CTNNA2: variants seen among roughly 807,000 people sequenced by gnomAD.
CTNNA2 encodes catenin alpha 2, also known as catenin alpha-2.
Under a neutral mutation model 101.0 loss-of-function variants are expected in CTNNA2, and 42 were observed. The observed-to-expected ratio is 0.42, with a 90% CI of 0.32 to 0.54. CTNNA2 has a LOEUF of 0.54. Among genes scored for constraint, CTNNA2 ranks in the 20% least tolerant of loss-of-function variants. The probability of loss-of-function intolerance (pLI) is 0.14; values close to 1 mark genes in which losing one functional copy is unlikely to be tolerated. For missense variants in CTNNA2, 871 were observed against 1,223.1 expected (o/e 0.71, Z 4.29); for synonymous variants, 450 against 456.4 (o/e 0.99, Z 0.18).
At chr2:80,585,937 A>G (rs1209284134) in intron 14 of CTNNA2, among the ~76,000 whole-genome samples, 1 of 152,162 alleles carries the variant, frequency 6.6e-6, no homozygotes, top group Non-Finnish European at 1.5e-5. Context: ...GTCACACACC[A>G]TTAAGTGTAT....
At position 80,190,981 on chromosome 2, in the gene CTNNA2, C is replaced by T. The variant is rs544073556; in HGVS notation, c.1057-202230C>T. ...TCTGAAGTGCAACTTGTTCCACCGC[C>T]TTTAAAATAGGCTGCAGCTGTTCTA... On this transcript the variant is annotated intron_variant, in intron 7 of 18. Transcript: ENST00000402739. Among the ~76,000 whole-genome samples, 4 of 152,264 alleles carry T rather than the reference C, an allele frequency of 2.6e-5. No homozygotes were observed. The South Asian group carries it at 8.3e-4, about 32-fold the overall frequency.
At chr2:80,358,076 C>T (rs188334311) in intron 7 of CTNNA2, among the ~76,000 whole-genome samples, 124 of 152,118 alleles carry the variant, frequency 8.2e-4, no homozygotes, top group Admixed American at 5.8e-3. Flanking sequence ...ACTGGGGAAA[C>T]GTCTATAGCC....
intron 9 of CTNNA2, among the ~76,000 whole-genome samples, chr2:80,469,355 G>C (rs1032151524): frequency 4.6e-5 from 7 of 152,204 alleles, no homozygotes; most frequent in Admixed American, 4.6e-4. Context: ...GTGACTGATG[G>C]AAAGCCGTGT....
At chr2:79,786,953 A>T (rs1033547185) in intron 3 of CTNNA2, among the ~76,000 whole-genome samples, 1 of 151,994 alleles carries the variant, frequency 6.6e-6, no homozygotes, top group Admixed American at 6.6e-5. Flanking sequence ...GATCCATCAG[A>T]TCCAATCCCT....
chr2:80,608,092 C>A (rs1698173635), intron 16 of CTNNA2, 92 bp from the exon 17 acceptor site: 4 of 1,312,166 alleles, frequency 3.0e-6, no homozygotes, highest in Non-Finnish European at 4.2e-6. Context: ...GTATATGACA[C>A]TGAAAACTTT....
intron 7 of CTNNA2, among the ~76,000 whole-genome samples, chr2:79,989,801 A>T (rs1574484156): frequency 6.6e-6 from 1 of 152,184 alleles, no homozygotes; most frequent in East Asian, 1.9e-4. Context: ...CTCTCTCCTG[A>T]GATCCAAAGG....
intron 12 of CTNNA2, among the ~76,000 whole-genome samples, chr2:80,569,257 A>G (rs1694341471): frequency 6.6e-6 from 1 of 152,114 alleles, no homozygotes; most frequent in Non-Finnish European, 1.5e-5. Flanking sequence ...TTTTATATGC[A>G]TACTTAACTC....
At chr2:80,224,663 C>G (rs1301917738) in intron 7 of CTNNA2, among the ~76,000 whole-genome samples, 1 of 152,102 alleles carries the variant, frequency 6.6e-6, no homozygotes, top group African/African-American at 2.4e-5. Flanking sequence ...CCAGGATGGT[C>G]TCAATCTCCT....
chr2:79,215,310 C>T (rs138350915), intron 2 of CTNNA2, among the ~76,000 whole-genome samples: 6,662 of 152,186 alleles, frequency 0.044, 206 homozygotes, highest in Middle Eastern at 0.14. Context: ...CCTGGAGGAA[C>T]GCCTGGCCAC....
intron 3 of CTNNA2, among the ~76,000 whole-genome samples, chr2:79,835,148 G>A (rs182332889): frequency 6.6e-6 from 1 of 151,988 alleles, no homozygotes; most frequent in East Asian, 1.9e-4. Context: ...TTATTTATTG[G>A]CCCTCTTTTC....
intron 2 of CTNNA2, chr2:79,198,213 G>A (rs1042885045): frequency 1.3e-5 from 2 of 152,140 alleles, no homozygotes; most frequent in Admixed American, 1.3e-4. Context: ...TCTAGAAAAC[G>A]ATGTAGAAGG....
At chr2:79,887,736 C>T (rs1683991455) in intron 6 of CTNNA2, among the ~76,000 whole-genome samples, 1 of 152,104 alleles carries the variant, frequency 6.6e-6, no homozygotes, top group Non-Finnish European at 1.5e-5. Flanking sequence ...ACTTTTCCAT[C>T]TTTAGGGCAT....
chr2:79,572,412 C>G (rs1675515386), intron 1 of CTNNA2, among the ~76,000 whole-genome samples: 1 of 152,254 alleles, frequency 6.6e-6, no homozygotes, highest in South Asian at 2.1e-4. Flanking sequence ...GGTTTTATTT[C>G]TGGCTCTGCT....
chr2:80,010,517 T>G (rs1379899908), intron 7 of CTNNA2, among the ~76,000 whole-genome samples: 1 of 152,122 alleles, frequency 6.6e-6, no homozygotes, highest in African/African-American at 2.4e-5. Flanking sequence ...TTGCCAGGGC[T>G]GGTCTTGAAC....
At chr2:79,816,485 C>T (rs185167307) in intron 3 of CTNNA2, among the ~76,000 whole-genome samples, 2 of 152,072 alleles carry the variant, frequency 1.3e-5, no homozygotes, top group East Asian at 1.9e-4. Flanking sequence ...GACTCACCAA[C>T]GTTTGAAAGA....
chr2:80,303,146 T>A lies in CTNNA2; in HGVS notation c.1057-90065T>A. On this transcript the variant is annotated intron_variant, in intron 7 of 18. Transcript: ENST00000402739. This position sits in a 1 kb window ranked among gnomAD's most constrained non-coding sequence, Gnocchi z 7.7. ...GATGAGGCGCGGGAAGTGGGCGAAG[T>A]TCACCTTGACCAAGTCGTTGTGCTC... 1.9e-6 allele frequency: 3 copies of A among 1,614,066 alleles called. No individual in the cohort carries two copies. The highest frequency in any genetic ancestry group is 2.5e-6 in the Non-Finnish European group (3 of 1,180,012).
intron 3 of CTNNA2, among the ~76,000 whole-genome samples, chr2:79,328,102 G>T (rs771690604): frequency 1.1e-3 from 162 of 152,128 alleles, no homozygotes; most frequent in Non-Finnish European, 1.6e-3. Context: ...GGGCTGATAG[G>T]CCCACTATGT....
intron 9 of CTNNA2, among the ~76,000 whole-genome samples, chr2:80,484,528 T>C (rs1208026496): frequency 6.6e-6 from 1 of 152,134 alleles, no homozygotes; most frequent in African/African-American, 2.4e-5. Flanking sequence ...GGAAATAGCC[T>C]TTGTCCTAGT....
In CTNNA2 at chr2:79,322,981, A is replaced by T. The variant is rs998172292; in HGVS notation, c.-318+10185A>T. Among the ~76,000 whole-genome samples the T allele has an allele frequency of 3.9e-5, 6 of 152,302 alleles. No homozygotes were observed. In the East Asian group the frequency reaches 7.7e-4, roughly 20 times the overall value. ...GGTTATTTCCCTGAAAGTATCTTCT[A>T]TCTCTCTTAACATCTTTCATCACAG... On this transcript the variant is annotated intron_variant, in intron 3 of 21. Coordinates refer to the CTNNA2 transcript ENST00000466387.
Sources: allele counts gnomAD v4.1 joint callset (sites outside exome capture counted in the v4.1 genomes callset), GRCh38; gene constraint gnomAD v4.1.1; non-coding constraint Gnocchi (gnomAD v3.1); transcripts MANE v1.5; gene names NCBI Gene and HGNC (gene_info 2026-07-23, HGNC 2026-07-21).